The following CBLIF variants were observed in gnomAD, a reference collection of about 807,000 sequenced individuals.
The protein encoded by CBLIF is cobalamin binding intrinsic factor, also known as gastric intrinsic factor (vitamin B synthesis).
CBLIF carries 24 observed loss-of-function variants against 44.9 expected under a neutral mutation model. That is an observed-to-expected ratio of 0.53 (90% CI 0.39 to 0.75). CBLIF has a LOEUF of 0.75. Among genes scored for constraint, CBLIF ranks in the 30% least tolerant of loss-of-function variants. CBLIF has a pLI of 0.00. For synonymous variants in CBLIF, 183 were observed against 190.9 expected (o/e 0.96, Z 0.34); for missense variants, 481 against 513.0 (o/e 0.94, Z 0.60).
At chr11:59,832,986 A>G (rs1309217157) in intron 7 of CBLIF, among the ~76,000 whole-genome samples, 1 of 152,232 alleles carries the variant, frequency 6.6e-6, no homozygotes, top group Admixed American at 6.5e-5. Flanking sequence ...TCCCATGTAT[A>G]TGATGGATCA....
Position 59,830,864 on chromosome 11 carries a change from G to A in CBLIF, c.1192+814C>T, listed in dbSNP as rs140873013. Among the ~76,000 whole-genome samples, 21 of 152,280 alleles carry A rather than the reference G, an allele frequency of 1.4e-4. No homozygotes were observed. The East Asian group carries it at 4.0e-3, about 29-fold the overall frequency. ...CTAGCCAAGTCCTCTGTGATTCCAAGATCTTTATTATATGCTTTGCTACAA... is the reference window on the plus strand; with the variant it reads ...CTAGCCAAGTCCTCTGTGATTCCAAAATCTTTATTATATGCTTTGCTACAA... On this transcript the variant is annotated intron_variant, in intron 8 of 8. Coordinates refer to ENST00000257248, the MANE Select transcript of CBLIF (RefSeq NM_005142.3).
At chr11:59,842,994 C>A (rs763847039) in intron 3 of CBLIF, 34 bp downstream of exon 3, 2 of 1,298,994 alleles carry the variant, frequency 1.5e-6, no homozygotes, top group Admixed American at 1.7e-5. Context: ...AAACCATATG[C>A]CTGACTCTTT....
At chr11:59,841,660 G>C (rs1399516194) in intron 4 of CBLIF, among the ~76,000 whole-genome samples, 1 of 152,198 alleles carries the variant, frequency 6.6e-6, no homozygotes, top group East Asian at 1.9e-4. Context: ...AGGGAGACCA[G>C]TCTGTTCTTA....
intron 1 of CBLIF, among the ~76,000 whole-genome samples, chr11:59,845,099 G>A (rs1167988725): frequency 6.6e-6 from 1 of 152,014 alleles, no homozygotes; most frequent in African/African-American, 2.4e-5. Flanking sequence ...TTGGGCTCAA[G>A]CAATCCTCCT....
chr11:59,836,837 T>C (rs1046979131), intron 6 of CBLIF, among the ~76,000 whole-genome samples: 8 of 152,242 alleles, frequency 5.3e-5, no homozygotes, highest in African/African-American at 1.2e-4. Flanking sequence ...ATGCATAGTG[T>C]TTGATGGTAC....
chr11:59,831,004 C>A (rs1657894440), intron 8 of CBLIF, among the ~76,000 whole-genome samples: 1 of 152,226 alleles, frequency 6.6e-6, no homozygotes, highest in Non-Finnish European at 1.5e-5. Flanking sequence ...ATAGCCTTGG[C>A]TGTACTGTGA....
At chr11:59,842,876 G>C in intron 3 of CBLIF, 152 bp downstream of exon 3, 2 of 688,526 alleles carry the variant, frequency 2.9e-6, no homozygotes, top group South Asian at 3.2e-5. Flanking sequence ...GAATCTTTCT[G>C]GTCTGGATTA....
intron 1 of CBLIF, 100 bp from the exon 2 acceptor site, chr11:59,844,155 T>C: frequency 1.0e-6 from 1 of 995,390 alleles, no homozygotes; most frequent in East Asian, 2.5e-5. Flanking sequence ...TCTTTTTTTT[T>C]TGAGACAGTG....
intron 6 of CBLIF, 76 bp from the exon 7 acceptor site, chr11:59,836,085 C>T: frequency 9.4e-7 from 1 of 1,067,702 alleles, no homozygotes; most frequent in Non-Finnish European, 1.5e-6. Context: ...CTGTTATTGG[C>T]AACTTACCCC....
chr11:59,839,258 G>A (rs187750253), intron 5 of CBLIF, among the ~76,000 whole-genome samples: 48 of 152,328 alleles, frequency 3.2e-4, no homozygotes, highest in South Asian at 6.2e-4. Flanking sequence ...CCTCATGAGC[G>A]TCTTTGGGTA....
chr11:59,842,011 C>G (rs1866537811), intron 4 of CBLIF, among the ~76,000 whole-genome samples: 1 of 152,212 alleles, frequency 6.6e-6, no homozygotes, highest in Non-Finnish European at 1.5e-5. Context: ...CCGAGAGTAG[C>G]TGTTTAATGG....
intron 7 of CBLIF, among the ~76,000 whole-genome samples, chr11:59,834,226 CTTTCTTTCTTTCTT>C (rs1866411827): frequency 1.3e-5 from 2 of 148,726 alleles, no homozygotes; most frequent in African/African-American, 2.6e-5. Flanking sequence ...CTTTCTGTTT[CTTTCTTTCTTTCTT>C]TTTCTTTCTT....
At position 59,837,156 on chromosome 11, in the gene CBLIF, G is replaced by A; in HGVS notation, c.871+18C>T. The A allele has an allele frequency of 2.5e-6, 4 of 1,595,806 alleles. No individual in the cohort carries two copies. The highest frequency in any genetic ancestry group is 3.4e-6 in the Non-Finnish European group (4 of 1,163,382). ...ATAAGTTGCTGCTTTATGACATAAG[G>A]AGAGGTGGATGTCTTACCAGGACTA... On this transcript the variant is annotated intron_variant, in intron 6 of 8. Coordinates refer to ENST00000257248, the MANE Select transcript of CBLIF (RefSeq NM_005142.3).
At chr11:59,833,970 C>T (rs1204167158) in intron 7 of CBLIF, among the ~76,000 whole-genome samples, 1 of 152,188 alleles carries the variant, frequency 6.6e-6, no homozygotes, top group African/African-American at 2.4e-5. Flanking sequence ...GGGTTCCACT[C>T]TCAACTCTAT....
chr11:59,829,537 C>A lies in CBLIF; in HGVS notation c.1201G>T (p.Asp401Tyr). 6.2e-7 allele frequency: 1 copy of A among 1,605,886 alleles called. No individual in the cohort carries two copies. Among genetic ancestry groups the A allele is most frequent in the South Asian group, 1.1e-5 (1 of 90,852 alleles). Residue 401 changes from aspartate (D) to tyrosine (Y), a missense_variant, in exon 9 of 9, where the codon GAC (aspartate) becomes TAC (tyrosine). Asp to Tyr is a radical substitution (Grantham distance 160). Transcript: ENST00000257248. ...GVTPLNEGVA[D>Y]YIPFNHEHIT... ...TGCTCGTGGTTGAAGGGTATGTAGT[C>A]AGCAACCCCTGGAAATAAGCAGAGA...
At chr11:59,840,707 TC>T (rs1337522761) in intron 5 of CBLIF, among the ~76,000 whole-genome samples, 2 of 152,114 alleles carry the variant, frequency 1.3e-5, no homozygotes, top group Non-Finnish European at 2.9e-5. Context: ...TATTTTTAGA[TC>T]AAGGTAAAAC....
intron 2 of CBLIF, 35 bp from the exon 3 acceptor site, chr11:59,843,176 C>G (rs1415839565): frequency 1.6e-6 from 2 of 1,286,284 alleles, no homozygotes; most frequent in South Asian, 2.4e-5. Flanking sequence ...TAGACAGAGA[C>G]ATCCTCAGGG....
At chr11:59,830,397 T>TAAAAA (rs1191715576) in intron 8 of CBLIF, among the ~76,000 whole-genome samples, 3 of 152,018 alleles carry the variant, frequency 2.0e-5, no homozygotes, top group African/African-American at 7.2e-5. Flanking sequence ...CCACCACGCC[T>TAAAAA]GACTAATTTT....
chr11:59,830,950 C>T (rs1362475104), intron 8 of CBLIF, among the ~76,000 whole-genome samples: 1 of 152,206 alleles, frequency 6.6e-6, no homozygotes, highest in East Asian at 1.9e-4. Context: ...AGAAAAACAT[C>T]TCCTCCACTG....
Sources: gnomAD v4.1 joint callset for allele counts (sites outside exome capture counted in the v4.1 genomes callset) on GRCh38, gnomAD v4.1.1 for gene constraint, MANE v1.5 for transcripts, NCBI Gene and HGNC (gene_info 2026-07-23, HGNC 2026-07-21) for gene names.